Variants in N4BP2 observed in about 807,000 individuals in gnomAD.
N4BP2 encodes the protein NEDD4-binding protein 2.
In N4BP2, 91 loss-of-function variants were observed where a neutral mutation model predicts 152.8. The observed-to-expected ratio is 0.60, with a 90% CI of 0.50 to 0.71. N4BP2 has a LOEUF of 0.71. Ranked by LOEUF, N4BP2 falls within the 30% of genes least tolerant of loss-of-function variation. The pLI is 0.00. For missense variants in N4BP2, 1,923 were observed against 2,059.1 expected (o/e 0.93, Z 1.28); for synonymous variants, 646 against 705.3 (o/e 0.92, Z 1.33).
chr4:40,072,039 GC>G (rs1712239540), intron 1 of N4BP2, among the ~76,000 whole-genome samples: 1 of 151,404 alleles, frequency 6.6e-6, no homozygotes, highest in Non-Finnish European at 1.5e-5. Flanking sequence ...TCCTGAGTAA[GC>G]TGGGACTACA....
Position 40,155,773 on chromosome 4 carries a change from A to G in N4BP2, c.*1536A>G, listed in dbSNP as rs1721554172. ...GTACCAAAAGAATCCTAAAGTACAG[A>G]ATGGTTTTCCAAAAGAGCAGACATT... On this transcript the variant is annotated 3_prime_UTR_variant, in exon 18 of 18. Transcript: ENST00000261435. 1 of 152,210 alleles carries G rather than the reference A, an allele frequency of 6.6e-6. No homozygotes were observed. The highest frequency in any genetic ancestry group is 2.1e-4 in the South Asian group (1 of 4,834). The allele number at this position is 152,210 out of a possible 1,614,324, so 9.4% of individuals were successfully genotyped here. A position where few individuals can be genotyped will look rare whatever the true frequency, so the allele number is the denominator to read the frequency against.
At chr4:40,088,594 G>A (rs921024739) in intron 2 of N4BP2, among the ~76,000 whole-genome samples, 30 of 150,802 alleles carry the variant, frequency 2.0e-4, no homozygotes, top group African/African-American at 6.3e-4. Flanking sequence ...TCCGCCTCCC[G>A]GGTTCAAGTG....
chr4:40,080,625 G>C (rs781140846), intron 2 of N4BP2, among the ~76,000 whole-genome samples: 1 of 150,816 alleles, frequency 6.6e-6, no homozygotes, highest in Admixed American at 6.6e-5. Flanking sequence ...GTGAACCACC[G>C]TGCCTGGCCT....
intron 1 of N4BP2, among the ~76,000 whole-genome samples, chr4:40,072,782 A>G (rs150596894): frequency 6.0e-4 from 91 of 150,882 alleles, no homozygotes; most frequent in African/African-American, 2.1e-3. Context: ...CTGGACTGCA[A>G]TGGTGCCATC....
intron 1 of N4BP2, among the ~76,000 whole-genome samples, chr4:40,072,270 G>A (rs566654733): frequency 8.7e-4 from 113 of 129,358 alleles, no homozygotes; most frequent in African/African-American, 3.2e-3. Flanking sequence ...TTTTTGATAT[G>A]GAGTCTCACT....
Position 40,126,198 on chromosome 4 carries a change from C to G in N4BP2, c.4395C>G (p.Gly1465=). ...AACAAAAATCATCTCAGAGAACAGG[C>G]AAAAAATTACTGAAGACTTTAACAG... is the stretch of plus-strand genomic sequence containing the variant. The part of the protein sequence containing the change: ...NPEQKSSQRT[G]KKLLKTLTAS... Residue 1465 remains glycine, a synonymous_variant, in exon 12 of 18, where the codon GGC becomes GGG. Transcript: ENST00000261435. The G allele has an allele frequency of 6.8e-6, 11 of 1,608,296 alleles. No homozygotes were observed. Among genetic ancestry groups the G allele is most frequent in the Non-Finnish European group, 9.3e-6 (11 of 1,178,010 alleles).
In N4BP2 at chr4:40,065,148, C is replaced by T. The variant is rs575565140; in HGVS notation, c.-212+8118C>T. Among the ~76,000 whole-genome samples, 92 of 152,184 alleles carry T rather than the reference C, an allele frequency of 6.0e-4. 1 individual carries two copies. The highest frequency in any genetic ancestry group is 1.1e-3 in the Non-Finnish European group (76 of 68,014). ...GCTACCTTGTGTGGGAAACAAATAA[C>T]TAGGTACAGGTGGATTAGAGTGGAA... On this transcript the variant is annotated intron_variant, in intron 1 of 17. Coordinates refer to ENST00000261435, the MANE Select transcript of N4BP2 (RefSeq NM_018177.6).
chr4:40,124,947 C>T (rs1281711973), intron 11 of N4BP2, among the ~76,000 whole-genome samples: 1 of 152,178 alleles, frequency 6.6e-6, no homozygotes, highest in African/African-American at 2.4e-5. Context: ...GTACATCCTG[C>T]CAACTTGAAA....
chr4:40,128,569 C>T (rs1409293987), intron 12 of N4BP2, among the ~76,000 whole-genome samples: 1 of 150,938 alleles, frequency 6.6e-6, no homozygotes, highest in African/African-American at 2.4e-5. Flanking sequence ...GTTCTGTCAC[C>T]CAGGCTGGAG....
intron 13 of N4BP2, among the ~76,000 whole-genome samples, chr4:40,135,890 T>A (rs1719339043): frequency 6.6e-6 from 1 of 152,180 alleles, no homozygotes; most frequent in Middle Eastern, 3.2e-3. Context: ...TCAAAAAATA[T>A]TCGTATATGG....
chr4:40,074,546 G>A (rs1712536669), intron 2 of N4BP2, among the ~76,000 whole-genome samples: 1 of 151,940 alleles, frequency 6.6e-6, no homozygotes, highest in Non-Finnish European at 1.5e-5. Flanking sequence ...ATATTTGAGG[G>A]ACTAAAAAAA....
chr4:40,097,084 T>G, intron 2 of N4BP2, 143 bp from the exon 3 acceptor site: 1 of 383,558 alleles, frequency 2.6e-6, no homozygotes, highest in Non-Finnish European at 4.7e-6. Context: ...AACCTGCATA[T>G]TTTGAAGAGA....
At position 40,115,891 on chromosome 4, in the gene N4BP2, G is replaced by A. The variant is rs543622868; in HGVS notation, c.1665-1978G>A. On this transcript the variant is annotated intron_variant, in intron 7 of 17. Coordinates refer to ENST00000261435, the MANE Select transcript of N4BP2 (RefSeq NM_018177.6). ...TATCTCCTGTATTTGAGAGATGAAT[G>A]TTGAAATCTCCCTTTATTATGTTGA... Among the ~76,000 whole-genome samples the A allele has an allele frequency of 3.9e-5, 6 of 152,256 alleles. No individual in the cohort carries two copies. The South Asian group carries it at 6.2e-4, about 16-fold the overall frequency.
chr4:40,092,015 T>A (rs1325823407), intron 2 of N4BP2, among the ~76,000 whole-genome samples: 2 of 87,134 alleles, frequency 2.3e-5, no homozygotes, highest in African/African-American at 4.5e-5. Flanking sequence ...AAATTATATA[T>A]ATATATATAT....
chr4:40,092,778 G>A (rs1714734632), intron 2 of N4BP2, among the ~76,000 whole-genome samples: 1 of 151,584 alleles, frequency 6.6e-6, no homozygotes, highest in Admixed American at 6.6e-5. Flanking sequence ...CAAGTAGCTG[G>A]GACTACTGGC....
chr4:40,132,822 C>T (rs1357986792), intron 13 of N4BP2, among the ~76,000 whole-genome samples: 3 of 120,690 alleles, frequency 2.5e-5, no homozygotes, highest in Non-Finnish European at 5.1e-5. Context: ...ATAAAACCTA[C>T]TTTACTTTCA....
intron 16 of N4BP2, 38 bp from the exon 17 acceptor site, chr4:40,152,740 GAT>G: frequency 6.2e-7 from 1 of 1,609,020 alleles, no homozygotes; most frequent in Non-Finnish European, 8.5e-7. Context: ...GAGAATGTAA[GAT>G]AAATGAATTT....
the N4BP2 span, among the ~76,000 whole-genome samples, chr4:40,164,660 TA>T: frequency 1.3e-5 from 2 of 152,156 alleles, no homozygotes; most frequent in African/African-American, 4.8e-5. Context: ...ACGAGATAGA[TA>T]GGGTCACTGG....
intron 2 of N4BP2, among the ~76,000 whole-genome samples, chr4:40,095,372 C>T (rs1011961225): frequency 1.1e-4 from 17 of 152,234 alleles, no homozygotes; most frequent in African/African-American, 3.9e-4. Flanking sequence ...TGAGCCATAA[C>T]GCCCAGCCCG....
Sources: allele counts gnomAD v4.1 joint callset (sites outside exome capture counted in the v4.1 genomes callset), GRCh38; gene constraint gnomAD v4.1.1; transcripts MANE v1.5; gene names NCBI Gene and HGNC (gene_info 2026-07-23, HGNC 2026-07-21).